The following GNB4 variants were observed in gnomAD, a reference collection of about 807,000 sequenced individuals.
GNB4 encodes G protein subunit beta 4, also known as guanine nucleotide-binding protein subunit beta-4.
A neutral mutation model predicts 45.2 loss-of-function variants in GNB4; 28 were observed. The observed-to-expected ratio is 0.62, with a 90% CI of 0.46 to 0.85. The LOEUF is 0.85. GNB4 is among the 40% of genes least tolerant of loss of function. The pLI, the probability that GNB4 is intolerant of heterozygous loss-of-function variation, is 0.00. For synonymous variants in GNB4, 132 were observed against 143.7 expected (o/e 0.92, Z 0.58); for missense variants, 321 against 425.4 (o/e 0.75, Z 2.16).
At chr3:179,500,994 T>A in the GNB4 span, among the ~76,000 whole-genome samples, 46 of 152,252 alleles carry the variant, frequency 3.0e-4, no homozygotes, top group African/African-American at 1.1e-3. Flanking sequence ...GATGATGGGG[T>A]TTTCTAAATA....
At chr3:179,430,094 ACAGACAG>A (rs753660288) in intron 1 of GNB4, among the ~76,000 whole-genome samples, 4 of 151,580 alleles carry the variant, frequency 2.6e-5, no homozygotes, top group Non-Finnish European at 5.9e-5. Flanking sequence ...AGACAGACAG[ACAGACAG>A]ACAGACAGAC....
chr3:179,507,301 G>A, the GNB4 span, among the ~76,000 whole-genome samples: 1,152 of 152,060 alleles, frequency 7.6e-3, 13 homozygotes, highest in African/African-American at 0.027. Flanking sequence ...ATGAGATTCC[G>A]ATGATATTAT....
At chr3:179,458,503 A>G in the GNB4 span, among the ~76,000 whole-genome samples, 6 of 152,218 alleles carry the variant, frequency 3.9e-5, no homozygotes, top group African/African-American at 1.4e-4. Flanking sequence ...AAAAACTATT[A>G]TTAACTATTA....
At chr3:179,527,189 C>T in the GNB4 span, among the ~76,000 whole-genome samples, 23 of 152,098 alleles carry the variant, frequency 1.5e-4, no homozygotes, top group African/African-American at 4.3e-4. Context: ...AGCAGGATGC[C>T]GGGAAGGAGG....
the GNB4 span, among the ~76,000 whole-genome samples, chr3:179,499,155 C>CTTTTT: frequency 4.5e-5 from 5 of 111,510 alleles, no homozygotes; most frequent in Non-Finnish European, 3.6e-5. Flanking sequence ...GCCACATTTT[C>CTTTTT]TTTTTTTTTT....
At chr3:179,507,008 T>C in the GNB4 span, among the ~76,000 whole-genome samples, 5 of 152,214 alleles carry the variant, frequency 3.3e-5, no homozygotes, top group African/African-American at 7.2e-5. Flanking sequence ...CTTCTCCTTC[T>C]GTGTTCCCAT....
the GNB4 span, among the ~76,000 whole-genome samples, chr3:179,458,107 A>G: frequency 6.6e-6 from 1 of 151,942 alleles, no homozygotes; most frequent in Non-Finnish European, 1.5e-5. Flanking sequence ...GTTTCACCAT[A>G]TTGACCAGGC....
the GNB4 span, among the ~76,000 whole-genome samples, chr3:179,463,181 G>A: frequency 1.3e-5 from 2 of 152,104 alleles, no homozygotes; most frequent in Admixed American, 6.6e-5. Context: ...GTAGTCACTC[G>A]AAACAAAGCT....
intron 1 of GNB4, among the ~76,000 whole-genome samples, chr3:179,442,686 G>A (rs1469620184): frequency 6.6e-6 from 1 of 151,504 alleles, no homozygotes; most frequent in Non-Finnish European, 1.5e-5. Flanking sequence ...CAGTGGCACT[G>A]CCATCCTTGC....
the GNB4 span, among the ~76,000 whole-genome samples, chr3:179,472,381 T>G: frequency 6.6e-6 from 1 of 150,720 alleles, no homozygotes; most frequent in African/African-American, 2.4e-5. Flanking sequence ...TTTTTTTTTT[T>G]TTTTTTAAGA....
At chr3:179,453,241 G>C (rs892210826), upstream of GNB4, among the ~76,000 whole-genome samples, 14 of 152,074 alleles carry the variant, frequency 9.2e-5, no homozygotes, top group Non-Finnish European at 1.6e-4. Flanking sequence ...TCGTGTCTCA[G>C]CCTCCCAAGT....
At chr3:179,477,751 T>G in the GNB4 span, among the ~76,000 whole-genome samples, 1 of 152,324 alleles carries the variant, frequency 6.6e-6, no homozygotes, top group South Asian at 2.1e-4. Context: ...AGGCTATCCC[T>G]ATTTCTGGGG....
intron 2 of GNB4, among the ~76,000 whole-genome samples, chr3:179,425,632 G>A (rs1339821435): frequency 2.0e-5 from 3 of 151,950 alleles, no homozygotes; most frequent in Non-Finnish European, 4.4e-5. Context: ...CACCACGCCT[G>A]GCTAATTTTT....
chr3:179,509,628 T>C, the GNB4 span, among the ~76,000 whole-genome samples: 1 of 151,152 alleles, frequency 6.6e-6, no homozygotes, highest in East Asian at 1.9e-4. Context: ...TTGGCCTCCA[T>C]TCACCCTTTG....
At chr3:179,412,896 G>A (rs1291913802) in intron 8 of GNB4, among the ~76,000 whole-genome samples, 3 of 151,794 alleles carry the variant, frequency 2.0e-5, no homozygotes, top group Admixed American at 6.6e-5. Context: ...AAAAACCTAG[G>A]TTGCCAGGAA....
At chr3:179,492,021 C>T in the GNB4 span, among the ~76,000 whole-genome samples, 1 of 152,082 alleles carries the variant, frequency 6.6e-6, no homozygotes, top group South Asian at 2.1e-4. Flanking sequence ...CTTTGGAGTA[C>T]AATGAAGAAA....
the GNB4 span, among the ~76,000 whole-genome samples, chr3:179,493,112 A>T: frequency 6.6e-6 from 1 of 152,218 alleles, no homozygotes; most frequent in African/African-American, 2.4e-5. Flanking sequence ...AGCCTAGAAG[A>T]AGTGATGGCT....
chr3:179,415,964 C>A (rs1714787538), intron 5 of GNB4, among the ~76,000 whole-genome samples: 1 of 148,106 alleles, frequency 6.8e-6, no homozygotes, highest in African/African-American at 2.5e-5. Flanking sequence ...ATTCCTGAAG[C>A]TTTTTCACCA....
the GNB4 span, among the ~76,000 whole-genome samples, chr3:179,488,235 C>G: frequency 6.6e-6 from 1 of 152,102 alleles, no homozygotes; most frequent in African/African-American, 2.4e-5. Flanking sequence ...CATTTGTGAG[C>G]CTTTGAGTCC....
Sources: gnomAD v4.1 joint callset for allele counts (sites outside exome capture counted in the v4.1 genomes callset) on GRCh38, gnomAD v4.1.1 for gene constraint, MANE v1.5 for transcripts, NCBI Gene and HGNC (gene_info 2026-07-23, HGNC 2026-07-21) for gene names.